FAM169A: variants seen among roughly 807,000 people sequenced by gnomAD.
FAM169A encodes the protein soluble lamin-associated protein of 75 kDa.
Under a neutral mutation model 75.7 loss-of-function variants are expected in FAM169A, and 24 were observed. That is an observed-to-expected ratio of 0.32 (90% confidence interval 0.23 to 0.45). The LOEUF is 0.45. FAM169A is among the 20% of genes least tolerant of loss of function. The pLI is 1.00. For missense variants in FAM169A, 673 were observed against 784.0 expected (o/e 0.86, Z 1.69); for synonymous variants, 271 against 271.0 (o/e 1.00, Z 0.00).
At chr5:74,805,976 C>CAAAAAAAAAAAAAAAAAAAAAA (rs370761667) in intron 6 of FAM169A, among the ~76,000 whole-genome samples, 1 of 85,244 alleles carries the variant, frequency 1.2e-5, no homozygotes, top group Non-Finnish European at 2.5e-5. Context: ...TTAAAAGCTC[C>CAAAAAAAAAAAAAAAAAAAAAA]AAAAAAAAAA....
chr5:74,834,623 A>G, intron 4 of FAM169A, 26 bp from the exon 5 acceptor site: 1 of 1,495,628 alleles, frequency 6.7e-7, no homozygotes, highest in African/African-American at 1.4e-5. Context: ...AACACCAGGC[A>G]CAGCAGTTAT....
intron 8 of FAM169A, among the ~76,000 whole-genome samples, chr5:74,802,603 A>T (rs1392480205): frequency 1.3e-5 from 2 of 152,168 alleles, no homozygotes; most frequent in East Asian, 3.8e-4. Context: ...ACTTGCTATA[A>T]TAAAGCAATT....
intron 11 of FAM169A, among the ~76,000 whole-genome samples, chr5:74,783,343 G>A (rs905269148): frequency 1.3e-5 from 2 of 152,136 alleles, no homozygotes; most frequent in Non-Finnish European, 2.9e-5. Flanking sequence ...TGAGTACCCC[G>A]TACTCCCACT....
intron 5 of FAM169A, among the ~76,000 whole-genome samples, chr5:74,823,698 C>T (rs555047019): frequency 3.2e-4 from 49 of 152,164 alleles, no homozygotes; most frequent in South Asian, 4.1e-4. Context: ...TTCACCTCAA[C>T]AAAGCAGCCA....
chr5:74,802,834 C>T (rs1326924800), intron 8 of FAM169A, among the ~76,000 whole-genome samples: 1 of 152,020 alleles, frequency 6.6e-6, no homozygotes, highest in Non-Finnish European at 1.5e-5. Context: ...TATCTTGCTT[C>T]AACCAACTTG....
At chr5:74,800,082 T>G in intron 10 of FAM169A, 2 of 664,312 alleles carry the variant, frequency 3.0e-6, no homozygotes, top group Middle Eastern at 4.6e-4. Context: ...AATTTGAAGC[T>G]GAGTGAGCCT....
intron 6 of FAM169A, among the ~76,000 whole-genome samples, chr5:74,811,957 T>C (rs1368876074): frequency 6.6e-6 from 1 of 152,050 alleles, no homozygotes; most frequent in East Asian, 1.9e-4. Flanking sequence ...GTCTAAGAAA[T>C]GTATGAGAAA....
intron 4 of FAM169A, among the ~76,000 whole-genome samples, chr5:74,835,586 AGT>A: frequency 7.7e-6 from 1 of 129,260 alleles, no homozygotes; most frequent in South Asian, 2.7e-4. Context: ...TGGGCGACAG[AGT>A]GAGACTGTGT....
chr5:74,798,642 A>G (rs1746399735), intron 10 of FAM169A, among the ~76,000 whole-genome samples: 1 of 152,200 alleles, frequency 6.6e-6, no homozygotes, highest in African/African-American at 2.4e-5. Flanking sequence ...AATTAACTAA[A>G]TGGTTGACTC....
intron 6 of FAM169A, 88 bp downstream of exon 6, chr5:74,813,752 T>A (rs1172579686): frequency 6.3e-6 from 6 of 947,388 alleles, no homozygotes; most frequent in Non-Finnish European, 7.4e-6. Flanking sequence ...TATGTGATAC[T>A]GATATATACA....
intron 11 of FAM169A, 60 bp downstream of exon 11, chr5:74,795,970 A>AT: frequency 6.5e-7 from 1 of 1,535,478 alleles, no homozygotes; most frequent in Non-Finnish European, 8.9e-7. Flanking sequence ...ACAACATGTG[A>AT]TTAAGAAAGG....
chr5:74,862,779 C>A (rs762666741), intron 1 of FAM169A, among the ~76,000 whole-genome samples: 3 of 152,062 alleles, frequency 2.0e-5, no homozygotes, highest in Non-Finnish European at 4.4e-5. Flanking sequence ...TTTAAAAATG[C>A]AATTTGCTAA....
At chr5:74,794,930 T>C (rs1038757237) in intron 11 of FAM169A, among the ~76,000 whole-genome samples, 8 of 151,616 alleles carry the variant, frequency 5.3e-5, no homozygotes, top group African/African-American at 1.7e-4. Flanking sequence ...TTTCATGAAA[T>C]AGAGGAAGCA....
upstream of FAM169A, chr5:74,866,964 T>C: frequency 1.0e-6 from 1 of 984,084 alleles, no homozygotes; most frequent in Non-Finnish European, 1.2e-6. Flanking sequence ...GCTTTCACAG[T>C]CTACAGAAGT....
chr5:74,811,841 G>A (rs1395950472), intron 6 of FAM169A, among the ~76,000 whole-genome samples: 1 of 152,218 alleles, frequency 6.6e-6, no homozygotes, highest in African/African-American at 2.4e-5. Flanking sequence ...ATATAAAGAT[G>A]AGTAAAGAAA....
chr5:74,822,201 T>C (rs1386478679), intron 5 of FAM169A, among the ~76,000 whole-genome samples: 1 of 152,248 alleles, frequency 6.6e-6, no homozygotes, highest in Admixed American at 6.5e-5. Context: ...AAGTTCCTTT[T>C]ATCCTGTGGC....
At chr5:74,782,523 A>T (rs1452768946) in intron 12 of FAM169A, among the ~76,000 whole-genome samples, 1 of 152,198 alleles carries the variant, frequency 6.6e-6, no homozygotes, top group African/African-American at 2.4e-5. Flanking sequence ...AACAAAATTA[A>T]ATTTCTTTTA....
chr5:74,837,341 T>C (rs1193380020), intron 4 of FAM169A, among the ~76,000 whole-genome samples: 1 of 152,194 alleles, frequency 6.6e-6, no homozygotes, highest in African/African-American at 2.4e-5. Flanking sequence ...CAGTTTCTGT[T>C]CAAAGTTTCA....
intron 10 of FAM169A, among the ~76,000 whole-genome samples, chr5:74,800,604 CAACT>C (rs1746522432): frequency 2.6e-5 from 4 of 152,028 alleles, no homozygotes; most frequent in African/African-American, 9.7e-5. Flanking sequence ...CACTGATAAA[CAACT>C]AATAATCTTG....
Sources: gnomAD v4.1 joint callset for allele counts (sites outside exome capture counted in the v4.1 genomes callset) on GRCh38, gnomAD v4.1.1 for gene constraint, MANE v1.5 for transcripts, NCBI Gene and HGNC (gene_info 2026-07-23, HGNC 2026-07-21) for gene names.